The following KCNQ1OT1 variants were observed in gnomAD, a reference collection of about 807,000 sequenced individuals.
The protein encoded by KCNQ1OT1 is KCNQ1 opposite strand/antisense transcript 1.
chr11:2,692,423 C>T, exon 1 of KCNQ1OT1: 1 of 398,696 alleles, frequency 2.5e-6, no homozygotes, highest in Non-Finnish European at 4.4e-6. Context: ...GACAGACATC[C>T]TTTCAAAGTT....
Position 2,654,198 on chromosome 11 carries a change from T to G in KCNQ1OT1, n.45797A>C, listed in dbSNP as rs1849801348. 2 of 398,656 alleles carry G rather than the reference T, an allele frequency of 5.0e-6. No individual in the cohort carries two copies. Among genetic ancestry groups the G allele is most frequent in the Non-Finnish European group, 8.8e-6 (2 of 226,200 alleles). 24.7% of individuals were successfully genotyped at this position (398,656 alleles called of 1,614,324 possible). A position where few individuals can be genotyped will look rare whatever the true frequency, so the allele number is the denominator to read the frequency against. ...AGGCTGTGGGGCTGCGGCTCAGCAATGTCACGCAGGGCCTGGCTGCAGCTG... is the reference window on the plus strand; with the variant it reads ...AGGCTGTGGGGCTGCGGCTCAGCAAGGTCACGCAGGGCCTGGCTGCAGCTG... On this transcript the variant is annotated non_coding_transcript_exon_variant, in exon 1 of 1. Transcript: ENST00000597346. The surrounding 1 kb of genome is among the most constrained non-coding windows in gnomAD (Gnocchi z 6.4).
chr11:2,629,850 A>C (rs1328733000), exon 1 of KCNQ1OT1: 2 of 397,744 alleles, frequency 5.0e-6, no homozygotes, highest in Non-Finnish European at 4.4e-6. Flanking sequence ...TTTTCTACAT[A>C]TATGATGTCA....
rs957727416 is a variant in KCNQ1OT1 at position 2,695,161 on chromosome 11, GCA to G, written n.4832_4833del. 5.3e-5 allele frequency: 21 copies of G among 398,496 alleles called. No individual in the cohort carries two copies. Among genetic ancestry groups the G allele is most frequent in the Non-Finnish European group, 9.3e-5 (21 of 226,106 alleles). The allele number at this position is 398,496 out of a possible 1,614,324, so 24.7% of individuals were successfully genotyped here. A position where few individuals can be genotyped will look rare whatever the true frequency, so the allele number is the denominator to read the frequency against. On this transcript the variant is annotated non_coding_transcript_exon_variant, in exon 1 of 1. Transcript: ENST00000597346. This position sits in a 1 kb window ranked among gnomAD's most constrained non-coding sequence, Gnocchi z 5.2. ...GTTGGTTCTTGGCTTTTGGGACTCT[GCA>G]CAGAGTTGATCACAGCCCTCAGCCT...
chr11:2,618,360 G>A (rs1466489724), exon 1 of KCNQ1OT1: 2 of 398,402 alleles, frequency 5.0e-6, no homozygotes, highest in African/African-American at 4.1e-5. Context: ...AATTTGTGTT[G>A]GGCCTCATTA....
Position 2,655,487 on chromosome 11 carries a change from G to A in KCNQ1OT1, n.44508C>T, listed in dbSNP as rs554095449. On this transcript the variant is annotated non_coding_transcript_exon_variant, in exon 1 of 1. Transcript: ENST00000597346. The stretch of plus-strand genomic sequence containing the variant: ...TGCTCCGGTACCTCCTGCAGAGCCT[G>A]GATATCCAGATGAACTGCCCTTTCA... The A allele has an allele frequency of 1.8e-4, 72 of 398,670 alleles. 1 individual carries two copies. In the South Asian group the frequency reaches 8.1e-3, roughly 45 times the overall value. 24.7% of individuals were successfully genotyped at this position (398,670 alleles called of 1,614,324 possible).
rs1397348974 is a variant in KCNQ1OT1 at position 2,690,723 on chromosome 11, T to C, written n.9272A>G. The C allele has an allele frequency of 7.5e-6, 3 of 398,476 alleles. No homozygotes were observed. Among genetic ancestry groups the C allele is most frequent in the Non-Finnish European group, 1.3e-5 (3 of 226,068 alleles). 24.7% of individuals were successfully genotyped at this position (398,476 alleles called of 1,614,324 possible). The stretch of plus-strand genomic sequence containing the variant: ...CTGAGGGCTTTCCATTTGATCCCAG[T>C]GGTTGAAGATGGAGTATGATCCCAA... On this transcript the variant is annotated non_coding_transcript_exon_variant, in exon 1 of 1. Coordinates refer to ENST00000597346, the Ensembl canonical transcript of KCNQ1OT1. The surrounding 1 kb of genome is among the most constrained non-coding windows in gnomAD (Gnocchi z 5.1).
chr11:2,651,207 T>C lies in KCNQ1OT1; in HGVS notation n.48788A>G. The C allele has an allele frequency of 2.5e-6, 1 of 398,698 alleles. No homozygotes were observed. The highest frequency in any genetic ancestry group is 4.4e-6 in the Non-Finnish European group (1 of 226,110). The allele number at this position is 398,698 out of a possible 1,614,324, so 24.7% of individuals were successfully genotyped here. On this transcript the variant is annotated non_coding_transcript_exon_variant, in exon 1 of 1. Coordinates refer to ENST00000597346, the Ensembl canonical transcript of KCNQ1OT1. This position sits in a 1 kb window ranked among gnomAD's most constrained non-coding sequence, Gnocchi z 6.1. ...ATGTTCCGACAGCTTCCTGTCACCC[T>C]GTCTTGTGTCAGTCTCACAGCACAC... is the stretch of plus-strand genomic sequence containing the variant.
At chr11:2,629,843 T>C (rs999830193) in exon 1 of KCNQ1OT1, 8 of 397,830 alleles carry the variant, frequency 2.0e-5, no homozygotes, top group African/African-American at 1.7e-4. Flanking sequence ...TGTAGCATTT[T>C]CTACATATAT....
Position 2,661,911 on chromosome 11 carries a change from G to A in KCNQ1OT1, n.38084C>T, listed in dbSNP as rs772268853. The A allele has an allele frequency of 6.2e-7, 1 of 1,613,540 alleles. No homozygotes were observed. The highest frequency in any genetic ancestry group is 8.5e-7 in the Non-Finnish European group (1 of 1,179,778). On this transcript the variant is annotated non_coding_transcript_exon_variant, in exon 1 of 1. Coordinates refer to ENST00000597346, the Ensembl canonical transcript of KCNQ1OT1. This position sits in a 1 kb window ranked among gnomAD's most constrained non-coding sequence, Gnocchi z 5.9. ...CTCACAGGCCTGGCTCCACAGCACT[G>A]GCAGGTTGGGTGGGAGGCCTAACGT...
chr11:2,619,691 G>A (rs1385652570), exon 1 of KCNQ1OT1: 2 of 397,320 alleles, frequency 5.0e-6, no homozygotes, highest in East Asian at 3.6e-5. Context: ...AAATGTGTTA[G>A]GAAGTATTCC....
chr11:2,699,614 A>AGAGAACCGCGCCGAAGAACCCCCAGG (rs1850747312), exon 1 of KCNQ1OT1: 2 of 231,570 alleles, frequency 8.6e-6, no homozygotes, highest in Middle Eastern at 8.7e-4. Flanking sequence ...AGGCCCCCGG[A>AGAGAACCGCGCCGAAGAACCCCCAGG]GAGAACCGCG....
chr11:2,680,208 A>T (rs1352107935), exon 1 of KCNQ1OT1: 1 of 72,014 alleles, frequency 1.4e-5, no homozygotes, highest in Non-Finnish European at 2.3e-5. Flanking sequence ...TGCCTAATTA[A>T]AAAAAAAAAA....
rs750950403 is a variant in KCNQ1OT1, at chr11:2,612,721, A to C, written n.87274T>G. The C allele has an allele frequency of 8.0e-5, 32 of 398,382 alleles. No homozygotes were observed. Among genetic ancestry groups the C allele is most frequent in the Non-Finnish European group, 1.2e-4 (27 of 226,046 alleles). 24.7% of individuals were successfully genotyped at this position (398,382 alleles called of 1,614,324 possible). A position where few individuals can be genotyped will look rare whatever the true frequency, so the allele number is the denominator to read the frequency against. ...ACTTACTTTGAAATCGCGCCCTAAC[A>C]TTTGGGGCCCTTCAGAGATAATTCC... On this transcript the variant is annotated non_coding_transcript_exon_variant, in exon 1 of 1. Transcript: ENST00000597346. The surrounding 1 kb of genome is among the most constrained non-coding windows in gnomAD (Gnocchi z 5.5).
At position 2,698,788 on chromosome 11, in the gene KCNQ1OT1, C is replaced by T. The variant is rs2133901040; in HGVS notation, n.1207G>A. The T allele has an allele frequency of 2.5e-6, 1 of 398,776 alleles. No homozygotes were observed. The highest frequency in any genetic ancestry group is 1.3e-4 in the South Asian group (1 of 7,850). 24.7% of individuals were successfully genotyped at this position (398,776 alleles called of 1,614,324 possible). On this transcript the variant is annotated non_coding_transcript_exon_variant, in exon 1 of 1. Transcript: ENST00000597346. This position sits in a 1 kb window ranked among gnomAD's most constrained non-coding sequence, Gnocchi z 5.1. ...AGACTCCAGACCGGGATTCAGGTCC[C>T]CAACTCAGACTCCCGATCCTCTGTC...
exon 1 of KCNQ1OT1, chr11:2,632,222 G>C (rs1589992960): frequency 1.1e-5 from 4 of 364,404 alleles, no homozygotes; most frequent in Admixed American, 9.5e-5. Context: ...ACTGAATTTT[G>C]TGTACTGACT....
chr11:2,620,963 T>C lies in KCNQ1OT1; in HGVS notation n.79032A>G. The C allele has an allele frequency of 5.1e-6, 2 of 392,926 alleles. No homozygotes were observed. The highest frequency in any genetic ancestry group is 3.6e-5 in the East Asian group (1 of 27,580). The allele number at this position is 392,926 out of a possible 1,614,324, so 24.3% of individuals were successfully genotyped here. A position where few individuals can be genotyped will look rare whatever the true frequency, so the allele number is the denominator to read the frequency against. On this transcript the variant is annotated non_coding_transcript_exon_variant, in exon 1 of 1. Coordinates refer to ENST00000597346, the Ensembl canonical transcript of KCNQ1OT1. This position sits in a 1 kb window ranked among gnomAD's most constrained non-coding sequence, Gnocchi z 4.5. ...GTTTTGTTTTGTTTTTTTTTGTCTG[T>C]TTTTTGCTTTTTTGTTTGTTTGTTT...
rs570988621 is a variant in KCNQ1OT1 at position 2,683,732 on chromosome 11, C to T, written n.16263G>A. On this transcript the variant is annotated non_coding_transcript_exon_variant, in exon 1 of 1. Coordinates refer to ENST00000597346, the Ensembl canonical transcript of KCNQ1OT1. This position sits in a 1 kb window ranked among gnomAD's most constrained non-coding sequence, Gnocchi z 4.7. The stretch of plus-strand genomic sequence containing the variant: ...TTCCTTACTCCCTCTGGTTACCTAG[C>T]TTTAGCTCTGAGGCAGCCCAGATGA... 2.5e-6 allele frequency: 1 copy of T among 398,514 alleles called. No homozygotes were observed. The highest frequency in any genetic ancestry group is 4.4e-6 in the Non-Finnish European group (1 of 226,076). 24.7% of individuals were successfully genotyped at this position (398,514 alleles called of 1,614,324 possible).
exon 1 of KCNQ1OT1, chr11:2,656,691 T>C: frequency 2.5e-6 from 1 of 398,422 alleles, no homozygotes; most frequent in East Asian, 3.6e-5. Flanking sequence ...TTTCACTCTT[T>C]AAGGTGTATT....
At chr11:2,646,220 A>T (rs1849663300) in exon 1 of KCNQ1OT1, 1 of 398,646 alleles carries the variant, frequency 2.5e-6, no homozygotes, top group Non-Finnish European at 4.4e-6. Context: ...TGAGTGCCAG[A>T]TGCCTCTAGT....
Sources: gnomAD v4.1 joint callset for allele counts on GRCh38, gnomAD v4.1.1 for gene constraint, Gnocchi (gnomAD v3.1) non-coding constraint, MANE v1.5 for transcripts, NCBI Gene and HGNC (gene_info 2026-07-23, HGNC 2026-07-21) for gene names.